TJP1: variants seen among roughly 807,000 people sequenced by gnomAD.
TJP1 encodes tight junction protein ZO-1.
In TJP1, 43 loss-of-function variants were observed where a neutral mutation model predicts 194.2. That is an observed-to-expected ratio of 0.22 (90% confidence interval 0.17 to 0.29). TJP1 has a LOEUF of 0.29. Ranked by LOEUF, TJP1 falls within the 10% of genes least tolerant of loss-of-function variation. The probability of loss-of-function intolerance (pLI) is 1.00; values close to 1 mark genes in which losing one functional copy is unlikely to be tolerated. For synonymous variants in TJP1, 801 were observed against 779.0 expected (o/e 1.03, Z -0.47); for missense variants, 1,971 against 2,185.7 (o/e 0.90, Z 1.96).
At position 29,733,243 on chromosome 15, in the gene TJP1, C is replaced by T. The variant is rs770158017; in HGVS notation, c.1587G>A (p.Lys529=). 6.2e-7 allele frequency: 1 copy of T among 1,614,052 alleles called. No individual in the cohort carries two copies. The highest frequency in any genetic ancestry group is 2.2e-5 in the East Asian group (1 of 44,854). The change falls in exon 13 of 28, where the codon AAG becomes AAA. Residue 529 remains lysine (K), a synonymous_variant. Coordinates refer to ENST00000614355, the MANE Select transcript of TJP1 (RefSeq NM_001330239.4). ...TAAAACTAAGTCCATAGGGAGATTC[C>T]TTTTCATATTCAAAATGGGTTCTAA... ...FYIRTHFEYE[K]ESPYGLSFNK...
Position 29,700,461 on chromosome 15 carries a change from AT to A in TJP1, c.*1133del, listed in dbSNP as rs1291662480. 5.0e-6 allele frequency: 2 copies of A among 398,850 alleles called. No homozygotes were observed. Among genetic ancestry groups the A allele is most frequent in the Non-Finnish European group, 8.8e-6 (2 of 226,052 alleles). 24.7% of individuals were successfully genotyped at this position (398,850 alleles called of 1,614,324 possible). ...CTGTGCATCCTTTTTCTTAAAAAAA[AT>A]GACCTTGCATGTGTCATAGAAACGC... On this transcript the variant is annotated 3_prime_UTR_variant, in exon 28 of 28. Coordinates refer to ENST00000614355, the MANE Select transcript of TJP1 (RefSeq NM_001330239.4).
chr15:29,761,373 G>A (rs2045998006), intron 7 of TJP1, 87 bp from the exon 8 acceptor site: 1 of 1,485,408 alleles, frequency 6.7e-7, no homozygotes, highest in Non-Finnish European at 9.1e-7. Flanking sequence ...AGATAAGCTA[G>A]TAAGTAAAAT....
intron 2 of TJP1, among the ~76,000 whole-genome samples, chr15:29,897,273 G>A (rs905423745): frequency 8.5e-5 from 13 of 152,202 alleles, no homozygotes; most frequent in Non-Finnish European, 1.5e-5. Flanking sequence ...GGCTTCAGAG[G>A]GTGTAAGCCC....
chr15:29,756,075 C>CAT (rs2045626902), intron 8 of TJP1, among the ~76,000 whole-genome samples: 1 of 152,050 alleles, frequency 6.6e-6, no homozygotes, highest in Non-Finnish European at 1.5e-5. Context: ...AGGCCTAGAT[C>CAT]ATACCCTGCA....
chr15:29,773,491 C>T (rs2046821781), intron 2 of TJP1, 134 bp from the exon 3 acceptor site: 3 of 768,120 alleles, frequency 3.9e-6, no homozygotes, highest in African/African-American at 3.5e-5. Flanking sequence ...CACTCACCTG[C>T]ATGGTTACCT....
At chr15:29,809,308 A>G (rs1211329888) in intron 1 of TJP1, among the ~76,000 whole-genome samples, 4 of 152,196 alleles carry the variant, frequency 2.6e-5, no homozygotes, top group South Asian at 2.1e-4. Flanking sequence ...CTCTAGCTAC[A>G]GTTAACCAAT....
At chr15:29,775,926 C>T (rs150805279) in intron 2 of TJP1, among the ~76,000 whole-genome samples, 116 of 152,182 alleles carry the variant, frequency 7.6e-4, no homozygotes, top group Admixed American at 2.0e-3. Flanking sequence ...AGGCACCAGG[C>T]GCAAATGATT....
intron 1 of TJP1, among the ~76,000 whole-genome samples, chr15:29,808,492 TA>T (rs2049264040): frequency 6.6e-6 from 1 of 152,196 alleles, no homozygotes; most frequent in Non-Finnish European, 1.5e-5. Flanking sequence ...TTATGTTATT[TA>T]AAAATTCAAA....
At chr15:29,852,884 A>AC (rs1433212582) in intron 2 of TJP1, among the ~76,000 whole-genome samples, 1 of 151,880 alleles carries the variant, frequency 6.6e-6, no homozygotes, top group African/African-American at 2.4e-5. Flanking sequence ...AGCCTGGGCA[A>AC]CCACAGCGAA....
chr15:29,783,982 T>A (rs572826345), intron 2 of TJP1, among the ~76,000 whole-genome samples: 21 of 151,792 alleles, frequency 1.4e-4, no homozygotes, highest in African/African-American at 4.1e-4. Flanking sequence ...ATAACATTTT[T>A]AAAAAAAAGA....
intron 2 of TJP1, among the ~76,000 whole-genome samples, chr15:29,778,564 C>T (rs2047160479): frequency 2.0e-5 from 3 of 152,136 alleles, no homozygotes; most frequent in Non-Finnish European, 2.9e-5. Context: ...AACACAAAGA[C>T]CCTAATCCAA....
chr15:29,929,543 A>G (rs550384431), intron 2 of TJP1, among the ~76,000 whole-genome samples: 2 of 152,180 alleles, frequency 1.3e-5, no homozygotes, highest in African/African-American at 4.8e-5. Flanking sequence ...CTAAAAATAC[A>G]AAAGTTAGCT....
chr15:29,965,822 T>A (rs1237831267), intron 1 of TJP1, among the ~76,000 whole-genome samples: 1 of 152,246 alleles, frequency 6.6e-6, no homozygotes, highest in Non-Finnish European at 1.5e-5. Context: ...CTCCAGAGTC[T>A]TCATAGAGCA....
At chr15:29,708,454 T>C (rs1488550709) in intron 25 of TJP1, 105 bp downstream of exon 25, 5 of 914,346 alleles carry the variant, frequency 5.5e-6, no homozygotes, top group South Asian at 3.3e-5. Context: ...AGTTTAAAGG[T>C]TGAGTTAAAA....
rs778338279 is a variant in TJP1, at chr15:29,761,787, T to C, written c.694-18A>G. 6.6e-7 allele frequency: 1 copy of C among 1,519,528 alleles called. No individual in the cohort carries two copies. Among genetic ancestry groups the C allele is most frequent in the Non-Finnish European group, 8.9e-7 (1 of 1,120,770 alleles). The allele number at this position is 1,519,528 out of a possible 1,614,324, so 94.1% of individuals were successfully genotyped here. A position where few individuals can be genotyped will look rare whatever the true frequency, so the allele number is the denominator to read the frequency against. On this transcript the variant is annotated intron_variant, in intron 6 of 27. Coordinates refer to ENST00000614355, the MANE Select transcript of TJP1 (RefSeq NM_001330239.4). Reference sequence around the variant, plus strand: ...CCATTTATCTGCAACAGAAAATAAATTACAGCTTGAAAGTAAATAATAAAA... The same window carrying C: ...CCATTTATCTGCAACAGAAAATAAACTACAGCTTGAAAGTAAATAATAAAA...
chr15:29,835,073 G>A lies in TJP1; in HGVS notation c.307-34371C>T, dbSNP rs926630932. Among the ~76,000 whole-genome samples, 3 of 152,184 alleles carry A rather than the reference G, an allele frequency of 2.0e-5. No homozygotes were observed. In the East Asian group the frequency reaches 5.8e-4, roughly 29 times the overall value. ...ATGAGAGGGGCTTGTTGGGGGCCAG[G>A]AGAAGTGGGCTGGATGAATTCCAAG... On this transcript the variant is annotated intron_variant, in intron 2 of 28. Coordinates refer to the TJP1 transcript ENST00000356107.
At position 29,717,100 on chromosome 15, in the gene TJP1, A is replaced by G. The variant is rs577101002; in HGVS notation, c.3975-262T>C. ...CTAAACGATTACATGATTAGGGAAC[A>G]GCAGGTTAGAAGTAGTTAATCAGAA... On this transcript the variant is annotated intron_variant, in intron 22 of 27. Transcript: ENST00000614355. 9.2e-5 allele frequency among the ~76,000 whole-genome samples: 14 copies of G among 152,360 alleles called. No homozygotes were observed. In the South Asian group the frequency reaches 2.7e-3, roughly 29 times the overall value.
At chr15:29,906,129 A>T (rs1165694726) in intron 2 of TJP1, among the ~76,000 whole-genome samples, 6 of 151,854 alleles carry the variant, frequency 4.0e-5, no homozygotes, top group Non-Finnish European at 8.8e-5. Flanking sequence ...GTATACAGAA[A>T]CTCTCTGTAC....
At chr15:29,769,125 A>G (rs1319323768) in intron 4 of TJP1, among the ~76,000 whole-genome samples, 3 of 152,260 alleles carry the variant, frequency 2.0e-5, no homozygotes, top group Admixed American at 6.5e-5. Context: ...CACATGAGGT[A>G]TGTATGACAA....
Sources: gnomAD v4.1 joint callset for allele counts (sites outside exome capture counted in the v4.1 genomes callset) on GRCh38, gnomAD v4.1.1 for gene constraint, MANE v1.5 for transcripts, NCBI Gene and HGNC (gene_info 2026-07-23, HGNC 2026-07-21) for gene names.